Variants in CNTN4 observed in about 807,000 individuals in gnomAD.
CNTN4 encodes contactin-4.
Under a neutral mutation model 122.5 loss-of-function variants are expected in CNTN4, and 77 were observed. The observed-to-expected ratio is 0.63, with a 90% CI of 0.52 to 0.76. CNTN4 has a LOEUF of 0.76. Ranked by LOEUF, CNTN4 falls within the 30% of genes least tolerant of loss-of-function variation. The pLI is 0.00. For synonymous variants in CNTN4, 512 were observed against 447.0 expected, an observed-to-expected ratio of 1.15 and a Z score of -1.83; for missense variants, 1,256 against 1,259.1, an observed-to-expected ratio of 1.00 and a Z score of 0.04.
chr3:2,323,229 C>T lies in CNTN4; in HGVS notation c.-144-15949C>T, dbSNP rs565700827. 4.6e-5 allele frequency among the ~76,000 whole-genome samples: 7 copies of T among 152,142 alleles called. No individual in the cohort carries two copies. In the East Asian group the frequency reaches 1.2e-3, roughly 25 times the overall value. On this transcript the variant is annotated intron_variant, in intron 2 of 24. Coordinates refer to ENST00000418658, the MANE Select transcript of CNTN4 (RefSeq NM_175607.3). ...AGGATGAAGTCTCCTATAGGAAAGC[C>T]GGCTGAGCTAACAAAATCAAGCCCC...
In CNTN4 at chr3:2,666,790, G is replaced by T. The variant is rs937773025; in HGVS notation, c.56-69425G>T. Among the ~76,000 whole-genome samples, 22 of 128,896 alleles carry T rather than the reference G, an allele frequency of 1.7e-4. No homozygotes were observed. The East Asian group carries it at 4.4e-3, about 26-fold the overall frequency. 84.6% of individuals were successfully genotyped at this position (128,896 alleles called of 152,430 possible). A position where few individuals can be genotyped will look rare whatever the true frequency, so the allele number is the denominator to read the frequency against. ...CCCAGTGTGTGATGTTCCCTTTCCT[G>T]TGTCCATGTGTTATTGTTCAATTCC... is the stretch of plus-strand genomic sequence containing the variant. On this transcript the variant is annotated intron_variant, in intron 4 of 24. Transcript: ENST00000418658.
intron 13 of CNTN4, among the ~76,000 whole-genome samples, chr3:2,975,784 T>C (rs1345302258): frequency 6.6e-6 from 1 of 152,210 alleles, no homozygotes; most frequent in East Asian, 1.9e-4. Context: ...ATAAAAGTTA[T>C]ATTACTTATT....
intron 4 of CNTN4, among the ~76,000 whole-genome samples, chr3:2,599,773 A>G (rs1237562096): frequency 6.6e-6 from 1 of 152,096 alleles, no homozygotes; most frequent in Admixed American, 6.6e-5. Context: ...TAGAGAGTGT[A>G]TTTTTGTCAA....
intron 4 of CNTN4, among the ~76,000 whole-genome samples, chr3:2,625,918 G>C (rs938065087): frequency 6.6e-6 from 1 of 152,116 alleles, no homozygotes; most frequent in Non-Finnish European, 1.5e-5. Context: ...TGTTCTACCA[G>C]TATCGAATTG....
In CNTN4 at chr3:2,220,222, A is replaced by G. The variant is rs138915385; in HGVS notation, c.-144-118956A>G. Among the ~76,000 whole-genome samples, 6 of 152,166 alleles carry G rather than the reference A, an allele frequency of 3.9e-5. No individual in the cohort carries two copies. The East Asian group carries it at 1.2e-3, about 29-fold the overall frequency. ...TTTCTGGATTTCCCCAGATCTTCTC[A>G]TTTGGAATTACACTCTCCCTTCAGT... On this transcript the variant is annotated intron_variant, in intron 2 of 24. Transcript: ENST00000418658.
intron 3 of CNTN4, among the ~76,000 whole-genome samples, chr3:2,369,835 C>A (rs1335304476): frequency 4.6e-5 from 7 of 152,134 alleles, no homozygotes; most frequent in Non-Finnish European, 1.0e-4. Flanking sequence ...AGCTGCCTTT[C>A]TTTTATCCAC....
intron 2 of CNTN4, among the ~76,000 whole-genome samples, chr3:2,163,353 C>T (rs1396868482): frequency 6.6e-6 from 1 of 152,082 alleles, no homozygotes; most frequent in African/African-American, 2.4e-5. Context: ...AAAATCAACT[C>T]AAGATTCATC....
chr3:2,549,979 A>G (rs985669999), intron 3 of CNTN4, among the ~76,000 whole-genome samples: 1 of 151,878 alleles, frequency 6.6e-6, no homozygotes, highest in African/African-American at 2.4e-5. Context: ...TTTCCAGTTT[A>G]TTTGCGTAGA....
chr3:2,256,838 C>A (rs1178588157), intron 2 of CNTN4, among the ~76,000 whole-genome samples: 1 of 152,152 alleles, frequency 6.6e-6, no homozygotes, highest in Non-Finnish European at 1.5e-5. Flanking sequence ...TAGGAAGAAT[C>A]AATATCATGA....
At chr3:2,658,049 C>T (rs2083678368) in intron 4 of CNTN4, among the ~76,000 whole-genome samples, 1 of 147,366 alleles carries the variant, frequency 6.8e-6, no homozygotes, top group African/African-American at 2.5e-5. Context: ...ATACTAGATA[C>T]TGTGCGAAGT....
intron 12 of CNTN4, among the ~76,000 whole-genome samples, chr3:2,914,167 G>A (rs752679227): frequency 5.9e-5 from 9 of 152,044 alleles, no homozygotes; most frequent in Non-Finnish European, 1.3e-4. Flanking sequence ...GTAATAAGAG[G>A]GAGGTTAATA....
intron 13 of CNTN4, among the ~76,000 whole-genome samples, chr3:2,926,520 A>C (rs1040059137): frequency 1.3e-5 from 2 of 152,126 alleles, no homozygotes; most frequent in Non-Finnish European, 2.9e-5. Context: ...TAATCTACTT[A>C]ATCTGTTGCA....
At chr3:2,819,141 T>A (rs1444198250) in intron 6 of CNTN4, among the ~76,000 whole-genome samples, 1 of 152,222 alleles carries the variant, frequency 6.6e-6, no homozygotes, top group East Asian at 1.9e-4. Flanking sequence ...GGAAGTCTTC[T>A]GTGTCTGTGC....
In CNTN4 at chr3:3,042,340, C is replaced by A. The variant is rs1224871331; in HGVS notation, c.2429C>A (p.Ala810Asp). The change falls in exon 21 of 25, where the codon GCC (alanine) becomes GAC (aspartate). Residue 810 changes from alanine (A) to aspartate (D), a missense_variant. Transcript: ENST00000418658. ...ACCAAACCACCAGCCAGTATCTTTG[C>A]CAGAAGTCTTTCTGCCACAGATATT... ...EPTKPPASIF[A>D]RSLSATDIEV... The A allele has an allele frequency of 1.9e-6, 3 of 1,614,068 alleles. No homozygotes were observed. Among genetic ancestry groups the A allele is most frequent in the Non-Finnish European group, 2.5e-6 (3 of 1,179,928 alleles).
At position 2,845,281 on chromosome 3, in the gene CNTN4, G is replaced by A. The variant is rs368285246; in HGVS notation, c.455-21471G>A. ...GTAAGGAAACCAAAACTGTAAATGAGAGTTGTCAATGCATGATGAACGTAG... is the reference window on the plus strand; with the variant it reads ...GTAAGGAAACCAAAACTGTAAATGAAAGTTGTCAATGCATGATGAACGTAG... On this transcript the variant is annotated intron_variant, in intron 7 of 24. Transcript: ENST00000418658. Among the ~76,000 whole-genome samples the A allele has an allele frequency of 1.7e-4, 26 of 152,166 alleles. No individual in the cohort carries two copies. The East Asian group carries it at 5.0e-3, about 29-fold the overall frequency.
At chr3:2,804,619 A>G (rs1054310579) in intron 6 of CNTN4, among the ~76,000 whole-genome samples, 6 of 152,242 alleles carry the variant, frequency 3.9e-5, no homozygotes, top group Non-Finnish European at 8.8e-5. Context: ...TAGCTAACAT[A>G]CAACTAAGCA....
intron 2 of CNTN4, among the ~76,000 whole-genome samples, chr3:2,278,060 T>C (rs148229200): frequency 2.3e-4 from 35 of 152,222 alleles, no homozygotes; most frequent in Middle Eastern, 3.4e-3. Flanking sequence ...GCAACAGATA[T>C]GATTTTCTAA....
chr3:2,768,869 T>C (rs946564593), intron 6 of CNTN4, among the ~76,000 whole-genome samples: 1 of 152,188 alleles, frequency 6.6e-6, no homozygotes, highest in Non-Finnish European at 1.5e-5. Flanking sequence ...CTTACACATG[T>C]AGAATGTGAA....
intron 9 of CNTN4, 112 bp downstream of exon 9, chr3:2,883,359 G>C (rs752228263): frequency 3.9e-6 from 3 of 779,092 alleles, no homozygotes; most frequent in Non-Finnish European, 6.6e-6. Flanking sequence ...AGCAAGTGAA[G>C]CCTTTCTCTT....
Sources: gnomAD v4.1 joint callset for allele counts (sites outside exome capture counted in the v4.1 genomes callset) on GRCh38, gnomAD v4.1.1 for gene constraint, MANE v1.5 for transcripts, NCBI Gene and HGNC (gene_info 2026-07-23, HGNC 2026-07-21) for gene names.